Variants in DCAF1 observed in about 807,000 individuals in gnomAD.
The protein encoded by DCAF1 is DDB1 and CUL4 associated factor 1, also known as DDB1- and CUL4-associated factor 1.
Under a neutral mutation model 128.0 loss-of-function variants are expected in DCAF1, and 15 were observed. The observed-to-expected ratio is 0.12, with a 90% CI of 0.08 to 0.18. The LOEUF (loss-of-function observed/expected upper bound fraction) is 0.18. DCAF1 is among the 10% of genes least tolerant of loss of function. DCAF1 has a pLI of 1.00. For missense variants in DCAF1, 988 were observed against 1,649.5 expected (o/e 0.60, Z 6.95); for synonymous variants, 610 against 603.0 (o/e 1.01, Z -0.17).
chr3:51,443,974 T>C (rs1553639634), intron 6 of DCAF1, 71 bp from the exon 7 acceptor site: 4 of 1,441,874 alleles, frequency 2.8e-6, no homozygotes, highest in Non-Finnish European at 3.7e-6. Context: ...AAGCAAAGAT[T>C]TCAGTCTCAT....
chr3:51,467,678 A>C (rs1704275753), intron 4 of DCAF1, among the ~76,000 whole-genome samples: 1 of 152,118 alleles, frequency 6.6e-6, no homozygotes, highest in Admixed American at 6.5e-5. Context: ...AAGAAACATA[A>C]TTTAAAAATA....
At chr3:51,430,720 T>C (rs959906767) in intron 10 of DCAF1, among the ~76,000 whole-genome samples, 3 of 152,228 alleles carry the variant, frequency 2.0e-5, no homozygotes, top group Non-Finnish European at 4.4e-5. Context: ...TAAGTAATTT[T>C]GTATGTACAC....
chr3:51,451,518 T>C (rs114089189), intron 6 of DCAF1, among the ~76,000 whole-genome samples: 1 of 152,024 alleles, frequency 6.6e-6, no homozygotes, highest in Admixed American at 6.6e-5. Flanking sequence ...CCCAGCACTA[T>C]GGGAGGCCAA....
intron 22 of DCAF1, 102 bp downstream of exon 22, chr3:51,412,891 A>G: frequency 6.6e-7 from 1 of 1,516,812 alleles, no homozygotes; most frequent in Non-Finnish European, 8.9e-7. Flanking sequence ...TCAGGAATGT[A>G]TTGACTTTAC....
At chr3:51,457,925 G>T (rs1703101510) in intron 6 of DCAF1, among the ~76,000 whole-genome samples, 1 of 152,140 alleles carries the variant, frequency 6.6e-6, no homozygotes. Flanking sequence ...ACTAAACATG[G>T]AAAGAAACAA....
At chr3:51,426,022 T>C (rs1699877259) in intron 13 of DCAF1, among the ~76,000 whole-genome samples, 1 of 152,208 alleles carries the variant, frequency 6.6e-6, no homozygotes, top group Admixed American at 6.5e-5. Flanking sequence ...AATAATAAGA[T>C]GTCACTTTCC....
intron 6 of DCAF1, among the ~76,000 whole-genome samples, chr3:51,457,089 A>G (rs1367440463): frequency 1.3e-5 from 2 of 152,220 alleles, no homozygotes; most frequent in Non-Finnish European, 2.9e-5. Flanking sequence ...TTGAGAGAAG[A>G]AGGCTTCAGA....
rs1299533285 is a variant in DCAF1 at position 51,499,987 on chromosome 3, CCACGGCTCCA to C, written c.-180_-171del. On this transcript the variant is annotated 5_prime_UTR_variant, in exon 1 of 25. An upstream open reading frame in the 5' UTR loses its in-frame stop. Transcript: ENST00000684031. Reference sequence around the variant, plus strand: ...CCACTCACACACACACACAGCGCGACCACGGCTCCACAGCGGCCCACATATTATGCGTCAC... The same window carrying C: ...CCACTCACACACACACACAGCGCGACCAGCGGCCCACATATTATGCGTCAC... The C allele has an allele frequency of 6.6e-6, 1 of 150,714 alleles. No homozygotes were observed. The highest frequency in any genetic ancestry group is 1.5e-5 in the Non-Finnish European group (1 of 67,564). 9.3% of individuals were successfully genotyped at this position (150,714 alleles called of 1,614,324 possible).
chr3:51,398,936 CCA>C, intron 24 of DCAF1, 109 bp from the exon 25 acceptor site: 1 of 1,354,020 alleles, frequency 7.4e-7, no homozygotes, highest in Non-Finnish European at 1.0e-6. Flanking sequence ...AGGTTAACTA[CCA>C]GTTTCCAGAA....
At chr3:51,444,070 T>C (rs1260027103) in intron 6 of DCAF1, among the ~76,000 whole-genome samples, 167 bp from the exon 7 acceptor site, 3 of 152,158 alleles carry the variant, frequency 2.0e-5, no homozygotes, top group African/African-American at 7.2e-5. Flanking sequence ...ATATAAAGTA[T>C]CTGTGCAATA....
chr3:51,472,009 T>C (rs1704814735), intron 3 of DCAF1, among the ~76,000 whole-genome samples: 2 of 152,210 alleles, frequency 1.3e-5, no homozygotes, highest in African/African-American at 2.4e-5. Context: ...ATCAACTACC[T>C]GGATTACCTC....
At position 51,423,739 on chromosome 3, in the gene DCAF1, G is replaced by C. The variant is rs1297831203; in HGVS notation, c.1848-1308C>G. Among the ~76,000 whole-genome samples the C allele has an allele frequency of 2.7e-5, 4 of 149,950 alleles. No homozygotes were observed. The East Asian group carries it at 5.9e-4, about 22-fold the overall frequency. ...GAGGCTGAGGCAGGAAGAACTGCTTGAATCTGGGAGGCAGAGGCTACAGTG... is the reference window on the plus strand; with the variant it reads ...GAGGCTGAGGCAGGAAGAACTGCTTCAATCTGGGAGGCAGAGGCTACAGTG... On this transcript the variant is annotated intron_variant, in intron 13 of 24. Transcript: ENST00000684031.
Position 51,470,914 on chromosome 3 carries a change from G to A in DCAF1, c.187+15C>T. On this transcript the variant is annotated intron_variant, in intron 4 of 24. Coordinates refer to ENST00000684031, the MANE Select transcript of DCAF1 (RefSeq NM_001387579.1). ...AGAAAAAAAAAAGACCCACACTTAAGAGCACAAATCTTACCAGGATGTCGA... is the reference window on the plus strand; with the variant it reads ...AGAAAAAAAAAAGACCCACACTTAAAAGCACAAATCTTACCAGGATGTCGA... 6.5e-7 allele frequency: 1 copy of A among 1,548,372 alleles called. No individual in the cohort carries two copies. The highest frequency in any genetic ancestry group is 8.8e-7 in the Non-Finnish European group (1 of 1,139,906).
chr3:51,441,194 A>C, intron 8 of DCAF1, 123 bp from the exon 9 acceptor site: 1 of 1,167,198 alleles, frequency 8.6e-7, no homozygotes, highest in Non-Finnish European at 1.2e-6. Flanking sequence ...CTGTGAAGAT[A>C]AACGTGTAAA....
In DCAF1 at chr3:51,483,609, T is replaced by TTTTGTG. The variant is rs1706532366; in HGVS notation, c.110+109_110+110insCACAAA. The TTTTGTG allele has an allele frequency of 6.3e-6, 3 of 474,814 alleles. No individual in the cohort carries two copies. The South Asian group carries it at 9.8e-5, about 16-fold the overall frequency. The allele number at this position is 474,814 out of a possible 1,614,324, so 29.4% of individuals were successfully genotyped here. On this transcript the variant is annotated intron_variant, in intron 3 of 24. Transcript: ENST00000684031. ...AATTTTTGCTTCTTTTTAAACTAGT[T>TTTTGTG]TGTGTGTGTGTGTGTGTGTGTGTGT...
In DCAF1 at chr3:51,430,224, T is replaced by A. The variant is rs781938307; in HGVS notation, c.1288-12A>T. ...GGATGCATGCAAACCTGCAAAAAAA[T>A]ACAAATAAAACAATGCTTTTAAATT... On this transcript the variant is annotated splice_polypyrimidine_tract_variant and intron_variant, in intron 10 of 24. Coordinates refer to ENST00000684031, the MANE Select transcript of DCAF1 (RefSeq NM_001387579.1). The A allele has an allele frequency of 5.2e-6, 4 of 769,600 alleles. No individual in the cohort carries two copies. Among genetic ancestry groups the A allele is most frequent in the Non-Finnish European group, 2.4e-6 (1 of 411,058 alleles). 47.7% of individuals were successfully genotyped at this position (769,600 alleles called of 1,614,324 possible).
chr3:51,501,489 C>T (rs1708805932), upstream of DCAF1, among the ~76,000 whole-genome samples: 1 of 152,154 alleles, frequency 6.6e-6, no homozygotes, highest in Non-Finnish European at 1.5e-5. Context: ...CTGAGCAAGT[C>T]TCCGTGCATC....
At chr3:51,493,639 G>A (rs1291392952) in intron 2 of DCAF1, among the ~76,000 whole-genome samples, 1 of 151,964 alleles carries the variant, frequency 6.6e-6, no homozygotes, top group Admixed American at 6.6e-5. Flanking sequence ...TACAGATGTG[G>A]AAAAACCTTG....
intron 23 of DCAF1, among the ~76,000 whole-genome samples, chr3:51,409,252 C>T (rs1327154322): frequency 6.6e-6 from 1 of 152,184 alleles, no homozygotes; most frequent in East Asian, 1.9e-4. Flanking sequence ...AAATTATTCC[C>T]TTATGGTGGC....
Sources: gnomAD v4.1 joint callset for allele counts (sites outside exome capture counted in the v4.1 genomes callset) on GRCh38, gnomAD v4.1.1 for gene constraint, MANE v1.5 for transcripts, NCBI Gene and HGNC (gene_info 2026-07-23, HGNC 2026-07-21) for gene names.